PRKN: variants seen among roughly 807,000 people sequenced by gnomAD.
The protein encoded by PRKN is E3 ubiquitin-protein ligase parkin.
In PRKN, 56 loss-of-function variants were observed where a neutral mutation model predicts 59.5. The ratio of observed to expected loss-of-function variants is 0.94; its 90% CI spans 0.76 to 1.18. The LOEUF (loss-of-function observed/expected upper bound fraction) is 1.18, where lower values mean the gene tolerates loss of function less well. Among genes scored for constraint, PRKN ranks in the 50% most tolerant of loss-of-function variants. The pLI, the probability that PRKN is intolerant of heterozygous loss-of-function variation, is 0.00. For synonymous variants in PRKN, 250 were observed against 222.1 expected (o/e 1.13, Z -1.12); for missense variants, 657 against 596.4 (o/e 1.10, Z -1.06).
rs1053635769 is a variant in PRKN, at chr6:161,444,024, G to A, written c.1084-57147C>T. 5.9e-5 allele frequency among the ~76,000 whole-genome samples: 9 copies of A among 151,970 alleles called. No individual in the cohort carries two copies. The East Asian group carries it at 1.7e-3, about 29-fold the overall frequency. On this transcript the variant is annotated intron_variant, in intron 9 of 11. Coordinates refer to ENST00000366898, the MANE Select transcript of PRKN (RefSeq NM_004562.3). The surrounding 1 kb of genome is among the most constrained non-coding windows in gnomAD (Gnocchi z 5.6). ...GATTCAGTGTGCACGAACTAACTAG[G>A]AGGCGCCAGGCTTAGGCCTTAGGCA...
At position 162,442,122 on chromosome 6, in the gene PRKN, C is replaced by G. The variant is rs141983220; in HGVS notation, c.171+1188G>C. On this transcript the variant is annotated intron_variant, in intron 2 of 11. Transcript: ENST00000366898. ...CAACGAGTATGTGCCTCAACACCAT[C>G]AGCAGGAGATGCAATGCAGAATGAC... Among the ~76,000 whole-genome samples the G allele has an allele frequency of 1.7e-3, 264 of 152,292 alleles. 4 individuals are homozygous for G. The South Asian group carries it at 0.02, about 12-fold the overall frequency.
chr6:161,811,752 A>G (rs1791571488), intron 6 of PRKN, among the ~76,000 whole-genome samples: 3 of 151,916 alleles, frequency 2.0e-5, no homozygotes, highest in Admixed American at 2.0e-4. Context: ...GTGAAACTCC[A>G]TCTCTACTAA....
chr6:161,839,865 A>G (rs965395754), intron 6 of PRKN, among the ~76,000 whole-genome samples: 3 of 152,234 alleles, frequency 2.0e-5, no homozygotes, highest in Non-Finnish European at 4.4e-5. Context: ...GTATCCTATT[A>G]TAAAATTTTA....
At chr6:162,716,720 G>A (rs1037321172) in intron 1 of PRKN, among the ~76,000 whole-genome samples, 1 of 51,820 alleles carries the variant, frequency 1.9e-5, no homozygotes, top group Non-Finnish European at 3.9e-5. Flanking sequence ...TATGTCCTTG[G>A]CTAGCTTCAT....
intron 6 of PRKN, among the ~76,000 whole-genome samples, chr6:161,880,362 G>A (rs553053788): frequency 7.9e-5 from 12 of 152,198 alleles, no homozygotes; most frequent in Non-Finnish European, 1.5e-4. Flanking sequence ...TATTTAGAGC[G>A]TAAATGTAAA....
intron 6 of PRKN, among the ~76,000 whole-genome samples, chr6:161,861,950 G>T (rs905118392): frequency 1.3e-5 from 2 of 152,196 alleles, no homozygotes; most frequent in Admixed American, 6.5e-5. Flanking sequence ...GACTGTGCTT[G>T]CTCTGAAGAG....
intron 2 of PRKN, among the ~76,000 whole-genome samples, chr6:162,331,841 C>T (rs1402511574): frequency 6.6e-6 from 1 of 152,142 alleles, no homozygotes; most frequent in African/African-American, 2.4e-5. Flanking sequence ...TTGTCTCTGA[C>T]ACTGCAACTC....
chr6:162,552,641 G>C (rs928505002), intron 1 of PRKN, among the ~76,000 whole-genome samples: 1 of 152,104 alleles, frequency 6.6e-6, no homozygotes, highest in East Asian at 1.9e-4. Flanking sequence ...AAACATCCGC[G>C]TGGAGTTGTC....
At chr6:162,503,998 G>A (rs1209080783) in intron 1 of PRKN, among the ~76,000 whole-genome samples, 1 of 152,210 alleles carries the variant, frequency 6.6e-6, no homozygotes, top group African/African-American at 2.4e-5. Context: ...TGGCAACACA[G>A]CTGACTGAAT....
Position 161,442,869 on chromosome 6 carries a change from G to A in PRKN, c.1084-55992C>T, listed in dbSNP as rs1789305367. ...ACATTTATATCACTATCTGTCAGCA[G>A]TTTAACATAAACCCTCTCACTTACT... On this transcript the variant is annotated intron_variant, in intron 9 of 11. Coordinates refer to ENST00000366898, the MANE Select transcript of PRKN (RefSeq NM_004562.3). This position sits in a 1 kb window ranked among gnomAD's most constrained non-coding sequence, Gnocchi z 4.6. Among the ~76,000 whole-genome samples, 1 of 152,174 alleles carries A rather than the reference G, an allele frequency of 6.6e-6. No individual in the cohort carries two copies. Among genetic ancestry groups the A allele is most frequent in the Non-Finnish European group, 1.5e-5 (1 of 68,044 alleles).
At chr6:161,917,217 T>A (rs1778600801) in intron 6 of PRKN, among the ~76,000 whole-genome samples, 1 of 152,096 alleles carries the variant, frequency 6.6e-6, no homozygotes, top group East Asian at 1.9e-4. Context: ...GTAATTCTCC[T>A]GCCTCAGCCT....
At chr6:162,462,229 T>C (rs1791212202) in intron 1 of PRKN, among the ~76,000 whole-genome samples, 1 of 152,210 alleles carries the variant, frequency 6.6e-6, no homozygotes, top group African/African-American at 2.4e-5. Context: ...ATCCTGGCTA[T>C]CACAAAATTC....
intron 1 of PRKN, among the ~76,000 whole-genome samples, chr6:162,703,909 T>C (rs745763730): frequency 5.3e-5 from 8 of 152,212 alleles, no homozygotes; most frequent in Non-Finnish European, 8.8e-5. Context: ...ATGCTAGTAC[T>C]TTCCCAGGTG....
intron 5 of PRKN, among the ~76,000 whole-genome samples, chr6:162,015,529 A>G (rs1782903627): frequency 6.6e-6 from 1 of 152,164 alleles, no homozygotes. Flanking sequence ...CAGGAATGGC[A>G]TTTGTAAGCT....
intron 7 of PRKN, among the ~76,000 whole-genome samples, chr6:161,775,106 T>A (rs1202768100): frequency 2.6e-5 from 4 of 152,204 alleles, no homozygotes; most frequent in Non-Finnish European, 4.4e-5. Flanking sequence ...GGAGATTGCA[T>A]GTGGATAGGC....
At chr6:162,042,371 A>G (rs1784098431) in intron 5 of PRKN, among the ~76,000 whole-genome samples, 1 of 152,058 alleles carries the variant, frequency 6.6e-6, no homozygotes, top group South Asian at 2.1e-4. Context: ...AGCCCACTGC[A>G]AACTCCACCT....
At chr6:162,024,345 T>C (rs1283373484) in intron 5 of PRKN, among the ~76,000 whole-genome samples, 2 of 151,988 alleles carry the variant, frequency 1.3e-5, no homozygotes, top group African/African-American at 4.8e-5. Flanking sequence ...TAATTGCATG[T>C]GCCAACATGC....
At chr6:162,371,639 G>A (rs751619906) in intron 2 of PRKN, among the ~76,000 whole-genome samples, 2 of 152,084 alleles carry the variant, frequency 1.3e-5, no homozygotes, top group Non-Finnish European at 2.9e-5. Flanking sequence ...ATAACCATTC[G>A]ATAAAACTTA....
chr6:161,403,140 G>A (rs535149245), intron 9 of PRKN, among the ~76,000 whole-genome samples: 3 of 152,104 alleles, frequency 2.0e-5, no homozygotes, highest in South Asian at 4.1e-4. Flanking sequence ...AGTGCTGGGC[G>A]CCCTTCCTCC....
Sources: allele counts gnomAD v4.1 joint callset (sites outside exome capture counted in the v4.1 genomes callset), GRCh38; gene constraint gnomAD v4.1.1; non-coding constraint Gnocchi (gnomAD v3.1); transcripts MANE v1.5; gene names NCBI Gene and HGNC (gene_info 2026-07-23, HGNC 2026-07-21).